Variants in DGKB observed in about 807,000 individuals in gnomAD.
DGKB encodes the protein diacylglycerol kinase beta.
DGKB carries 67 observed loss-of-function variants against 114.3 expected under a neutral mutation model. That is an observed-to-expected ratio of 0.59 (90% CI 0.48 to 0.72). The LOEUF (loss-of-function observed/expected upper bound fraction) is 0.72, where lower values mean the gene tolerates loss of function less well. Ranked by LOEUF, DGKB falls within the 30% of genes least tolerant of loss-of-function variation. The probability of loss-of-function intolerance (pLI) is 0.00; values close to 1 mark genes in which losing one functional copy is unlikely to be tolerated. For synonymous variants in DGKB, 398 were observed against 323.1 expected, an observed-to-expected ratio of 1.23 and a Z score of -2.49; for missense variants, 907 against 975.2, an observed-to-expected ratio of 0.93 and a Z score of 0.93.
At chr7:14,813,481 C>T (rs1381428147) in intron 2 of DGKB, among the ~76,000 whole-genome samples, 2 of 152,022 alleles carry the variant, frequency 1.3e-5, no homozygotes, top group East Asian at 3.9e-4. Context: ...GGCTGTGGAG[C>T]CCTTTAGCAG....
chr7:14,295,223 T>C (rs1222387076), intron 23 of DGKB, among the ~76,000 whole-genome samples: 2 of 152,180 alleles, frequency 1.3e-5, no homozygotes, highest in East Asian at 3.9e-4. Flanking sequence ...AAGGAAATCA[T>C]ACAAAATGGC....
chr7:14,924,752 T>C (rs1406986555), intron 1 of DGKB, among the ~76,000 whole-genome samples: 1 of 152,168 alleles, frequency 6.6e-6, no homozygotes, highest in Admixed American at 6.6e-5. Flanking sequence ...AAATTTTCTA[T>C]TATGATTATT....
At chr7:14,908,120 G>A (rs1386940140), upstream of DGKB, among the ~76,000 whole-genome samples, 1 of 152,138 alleles carries the variant, frequency 6.6e-6, no homozygotes, top group Admixed American at 6.6e-5. Context: ...TCCACACAGT[G>A]TTCCTGAAAA....
intron 21 of DGKB, among the ~76,000 whole-genome samples, chr7:14,370,815 A>T (rs1462893106): frequency 6.6e-6 from 1 of 151,920 alleles, no homozygotes; most frequent in Non-Finnish European, 1.5e-5. Flanking sequence ...CTTGTCCCTG[A>T]TCTTCTCTCC....
chr7:14,586,557 G>A (rs1430201153), intron 17 of DGKB, among the ~76,000 whole-genome samples: 5 of 152,118 alleles, frequency 3.3e-5, no homozygotes, highest in African/African-American at 1.2e-4. Flanking sequence ...AGACAACATA[G>A]CCTTCTAATG....
chr7:14,810,428 A>C (rs1981680), intron 2 of DGKB, among the ~76,000 whole-genome samples: 8 of 151,960 alleles, frequency 5.3e-5, no homozygotes, highest in Non-Finnish European at 7.4e-5. Context: ...CAAGCCACAA[A>C]TGTGTTCTGC....
intron 23 of DGKB, among the ~76,000 whole-genome samples, chr7:14,322,088 G>A (rs1445455038): frequency 1.3e-5 from 2 of 152,164 alleles, no homozygotes; most frequent in Non-Finnish European, 2.9e-5. Context: ...CTGATGAATC[G>A]ACCCATAGGG....
intron 23 of DGKB, among the ~76,000 whole-genome samples, chr7:14,215,358 T>C (rs188624026): frequency 8.5e-5 from 13 of 152,216 alleles, no homozygotes; most frequent in African/African-American, 2.6e-4. Flanking sequence ...AGGCAATGTA[T>C]TTATAAAGTG....
chr7:14,708,666 C>G (rs75191350), intron 6 of DGKB, among the ~76,000 whole-genome samples: 60,499 of 151,048 alleles, frequency 0.4, 14,432 homozygotes, highest in East Asian at 0.86. Context: ...CGCCGCATAC[C>G]TACAACTGTC....
chr7:14,697,776 G>GAAAGAAAGAAAGAAAGAAACAA lies in DGKB; in HGVS notation c.591+318_591+319insTTGTTTCTTTCTTTCTTTCTTT, dbSNP rs781493498. 8.0e-4 allele frequency among the ~76,000 whole-genome samples: 81 copies of GAAAGAAAGAAAGAAAGAAACAA among 100,792 alleles called. 1 individual carries two copies. The highest frequency in any genetic ancestry group is 3.2e-3 in the African/African-American group (79 of 24,742). The allele number at this position is 100,792 out of a possible 152,430, so 66.1% of individuals were successfully genotyped here. A position where few individuals can be genotyped will look rare whatever the true frequency, so the allele number is the denominator to read the frequency against. ...AGAAAGAAAGAAAGAAAGAAACAAA[G>GAAAGAAAGAAAGAAAGAAACAA]AGAAAGAAAGAAAGGAAGGAAGGAA... On this transcript the variant is annotated intron_variant, in intron 8 of 25. Transcript: ENST00000402815.
At chr7:14,857,887 G>T (rs1850421282) in intron 1 of DGKB, among the ~76,000 whole-genome samples, 1 of 151,880 alleles carries the variant, frequency 6.6e-6, no homozygotes, top group Admixed American at 6.6e-5. Context: ...ACCACATTCA[G>T]TTTTAACTAT....
intron 21 of DGKB, among the ~76,000 whole-genome samples, chr7:14,362,373 A>G (rs1046505370): frequency 1.3e-5 from 2 of 152,114 alleles, no homozygotes; most frequent in Non-Finnish European, 2.9e-5. Flanking sequence ...ACAACTTCCC[A>G]ATGAACATAA....
intron 23 of DGKB, among the ~76,000 whole-genome samples, chr7:14,241,266 T>C (rs1031094922): frequency 6.6e-6 from 1 of 152,084 alleles, no homozygotes; most frequent in African/African-American, 2.4e-5. Flanking sequence ...TTACATTGAG[T>C]AGTCCAAACA....
intron 1 of DGKB, among the ~76,000 whole-genome samples, chr7:14,857,777 TTGG>T (rs1220841457): frequency 3.3e-5 from 5 of 152,072 alleles, no homozygotes; most frequent in South Asian, 2.1e-4. Context: ...CATTTTTCAG[TTGG>T]TGGTACTAGT....
chr7:14,261,486 T>C (rs1383782888), intron 23 of DGKB, among the ~76,000 whole-genome samples: 3 of 152,122 alleles, frequency 2.0e-5, no homozygotes, highest in Non-Finnish European at 2.9e-5. Context: ...GAACAGAACT[T>C]TTAGACACAT....
chr7:14,313,080 T>G lies in DGKB; in HGVS notation c.2122+25435A>C, dbSNP rs530684789. On this transcript the variant is annotated intron_variant, in intron 23 of 25. Transcript: ENST00000402815. ...AGAGTACAAAAAATTGATTGATGTT[T>G]CTATATTTCACATTGCAAGTAACCT... 3.3e-5 allele frequency among the ~76,000 whole-genome samples: 5 copies of G among 152,356 alleles called. No homozygotes were observed. In the East Asian group the frequency reaches 7.7e-4, roughly 24 times the overall value.
intron 13 of DGKB, among the ~76,000 whole-genome samples, chr7:14,643,745 G>A (rs890871418): frequency 2.6e-5 from 4 of 152,086 alleles, no homozygotes; most frequent in African/African-American, 9.7e-5. Flanking sequence ...TCTAGCAGTG[G>A]GGCCACCACA....
intron 1 of DGKB, among the ~76,000 whole-genome samples, chr7:14,950,584 C>T (rs28793085): frequency 1.5e-3 from 221 of 151,884 alleles, no homozygotes; most frequent in African/African-American, 5.0e-3. Context: ...TCCAAATAGA[C>T]CTATAATAAG....
At chr7:14,775,401 C>T (rs575478967) in intron 2 of DGKB, among the ~76,000 whole-genome samples, 14 of 151,640 alleles carry the variant, frequency 9.2e-5, no homozygotes, top group East Asian at 6.0e-4. Flanking sequence ...GTGTCCCCAC[C>T]GAAATCTCAT....
Sources: gnomAD v4.1 joint callset for allele counts (sites outside exome capture counted in the v4.1 genomes callset) on GRCh38, gnomAD v4.1.1 for gene constraint, MANE v1.5 for transcripts, NCBI Gene and HGNC (gene_info 2026-07-23, HGNC 2026-07-21) for gene names.